GALNT18: variants seen among roughly 807,000 people sequenced by gnomAD.
The protein encoded by GALNT18 is polypeptide N-acetylgalactosaminyltransferase 18, also known as GalNAc-transferase 18.
GALNT18 carries 44 observed loss-of-function variants against 69.5 expected under a neutral mutation model. The observed-to-expected ratio is 0.63, with a 90% confidence interval of 0.50 to 0.81. The LOEUF is 0.81. GALNT18 is among the 40% of genes least tolerant of loss of function. The pLI, the probability that GALNT18 is intolerant of heterozygous loss-of-function variation, is 0.00. For missense variants in GALNT18, 715 were observed against 810.0 expected (o/e 0.88, Z 1.42); for synonymous variants, 364 against 318.2 (o/e 1.14, Z -1.53).
intron 1 of GALNT18, among the ~76,000 whole-genome samples, chr11:11,567,214 G>T (rs930988511): frequency 6.6e-6 from 1 of 152,192 alleles, no homozygotes; most frequent in Admixed American, 6.5e-5. Context: ...GGTTTCTGCT[G>T]AGCCAGGAGC....
intron 10 of GALNT18, among the ~76,000 whole-genome samples, chr11:11,274,275 C>G (rs1848889307): frequency 1.3e-5 from 2 of 152,104 alleles, no homozygotes; most frequent in African/African-American, 4.8e-5. Flanking sequence ...ACTGAGCTAG[C>G]TGCAGGAGTT....
intron 6 of GALNT18, among the ~76,000 whole-genome samples, chr11:11,344,250 C>T (rs1589922866): frequency 4.6e-5 from 1 of 21,610 alleles, no homozygotes; most frequent in Non-Finnish European, 2.0e-4. Flanking sequence ...TACTTCCTCT[C>T]ACATGGGTCT....
At chr11:11,281,760 G>A (rs1446077936) in intron 10 of GALNT18, among the ~76,000 whole-genome samples, 1 of 152,104 alleles carries the variant, frequency 6.6e-6, no homozygotes, top group East Asian at 1.9e-4. Flanking sequence ...CGGTGACCCT[G>A]GGCATTGGCT....
intron 6 of GALNT18, among the ~76,000 whole-genome samples, chr11:11,343,951 T>C (rs78658221): frequency 0.039 from 5,933 of 152,170 alleles, 125 homozygotes; most frequent in East Asian, 0.092. Context: ...CCTCTTCCCA[T>C]CCCTGCAGCC....
intron 2 of GALNT18, among the ~76,000 whole-genome samples, chr11:11,437,489 G>T (rs1855430284): frequency 6.6e-6 from 1 of 152,098 alleles, no homozygotes; most frequent in Non-Finnish European, 1.5e-5. Context: ...AGATCCCCCA[G>T]GACTGTTTGG....
intron 1 of GALNT18, among the ~76,000 whole-genome samples, chr11:11,588,833 C>T (rs1859284819): frequency 6.6e-6 from 1 of 152,236 alleles, no homozygotes; most frequent in Non-Finnish European, 1.5e-5. Context: ...AACTCCCAGA[C>T]ATCTGGAACT....
At chr11:11,581,701 C>T (rs1859091799) in intron 1 of GALNT18, among the ~76,000 whole-genome samples, 1 of 152,150 alleles carries the variant, frequency 6.6e-6, no homozygotes, top group African/African-American at 2.4e-5. Context: ...TGGCTAAGCT[C>T]ACAGACGAAG....
Position 11,341,016 on chromosome 11 carries a change from A to G in GALNT18, c.1093-12T>C. The G allele has an allele frequency of 6.3e-7, 1 of 1,583,050 alleles. No individual in the cohort carries two copies. Among genetic ancestry groups the G allele is most frequent in the Non-Finnish European group, 8.6e-7 (1 of 1,160,812 alleles). ...CCACACTGCCACACCTGCAGAAGACATGGAGCCACTTGTCAGAGCCTGCCT... is the reference window on the plus strand; with the variant it reads ...CCACACTGCCACACCTGCAGAAGACGTGGAGCCACTTGTCAGAGCCTGCCT... On this transcript the variant is annotated splice_polypyrimidine_tract_variant and intron_variant, in intron 6 of 10. Coordinates refer to ENST00000227756, the MANE Select transcript of GALNT18 (RefSeq NM_198516.3). The surrounding 1 kb of genome is among the most constrained non-coding windows in gnomAD (Gnocchi z 6.3).
At chr11:11,293,762 A>AAACT (rs1200863413) in intron 9 of GALNT18, among the ~76,000 whole-genome samples, 2 of 151,998 alleles carry the variant, frequency 1.3e-5, no homozygotes, top group African/African-American at 2.4e-5. Context: ...GGCTGGTTTC[A>AAACT]AACTCCTGAC....
At position 11,430,561 on chromosome 11, in the gene GALNT18, T is replaced by C. The variant is rs1855242187; in HGVS notation, c.595+2060A>G. Reference sequence around the variant, plus strand: ...GGTTGTGAAAGGTCTAGGGTGCTGCTCGTCTGCATCCCTGATGACGGACTA... The same window carrying C: ...GGTTGTGAAAGGTCTAGGGTGCTGCCCGTCTGCATCCCTGATGACGGACTA... On this transcript the variant is annotated intron_variant, in intron 3 of 10. Coordinates refer to ENST00000227756, the MANE Select transcript of GALNT18 (RefSeq NM_198516.3). This position sits in a 1 kb window ranked among gnomAD's most constrained non-coding sequence, Gnocchi z 4.9. Among the ~76,000 whole-genome samples the C allele has an allele frequency of 6.6e-6, 1 of 152,364 alleles. No individual in the cohort carries two copies. The highest frequency in any genetic ancestry group is 2.4e-5 in the African/African-American group (1 of 41,590).
Position 11,341,947 on chromosome 11 carries a change from T to A in GALNT18, c.1093-943A>T, listed in dbSNP as rs1023081369. 2.0e-5 allele frequency among the ~76,000 whole-genome samples: 3 copies of A among 150,432 alleles called. No individual in the cohort carries two copies. The highest frequency in any genetic ancestry group is 4.4e-5 in the Non-Finnish European group (3 of 67,754). ...GACAAGCCTGGGCAACATAGTGAGA[T>A]CCTGTCTCTAAAACATTAAAATTTT... On this transcript the variant is annotated intron_variant, in intron 6 of 10. Coordinates refer to ENST00000227756, the MANE Select transcript of GALNT18 (RefSeq NM_198516.3). The surrounding 1 kb of genome is among the most constrained non-coding windows in gnomAD (Gnocchi z 6.3).
intron 10 of GALNT18, among the ~76,000 whole-genome samples, chr11:11,276,065 G>A (rs1189241758): frequency 6.6e-6 from 1 of 152,188 alleles, no homozygotes; most frequent in Non-Finnish European, 1.5e-5. Flanking sequence ...CTAACTCTGT[G>A]AAGAAAGTCA....
At chr11:11,345,104 G>A (rs1485254648) in intron 6 of GALNT18, among the ~76,000 whole-genome samples, 1 of 152,164 alleles carries the variant, frequency 6.6e-6, no homozygotes, top group Admixed American at 6.5e-5. Context: ...GCCCAGCAGA[G>A]GGGTACACAA....
chr11:11,332,668 A>T lies in GALNT18; in HGVS notation c.1416+26T>A. On this transcript the variant is annotated intron_variant, in intron 8 of 10. Coordinates refer to ENST00000227756, the MANE Select transcript of GALNT18 (RefSeq NM_198516.3). This position sits in a 1 kb window ranked among gnomAD's most constrained non-coding sequence, Gnocchi z 4.3. ...GTTTCTTTCTGTCTGTGTCTGAATG[A>T]AACCCGGAGGAGGCCAGCTCCTTAC... 2 of 1,612,282 alleles carry T rather than the reference A, an allele frequency of 1.2e-6. No individual in the cohort carries two copies. The highest frequency in any genetic ancestry group is 1.7e-6 in the Non-Finnish European group (2 of 1,178,504).
At chr11:11,429,431 C>T (rs982459777) in intron 3 of GALNT18, among the ~76,000 whole-genome samples, 10 of 152,206 alleles carry the variant, frequency 6.6e-5, no homozygotes, top group Admixed American at 2.6e-4. Flanking sequence ...TTACTCCACG[C>T]GTGAGACTCC....
chr11:11,282,488 A>G (rs976169848), intron 10 of GALNT18, among the ~76,000 whole-genome samples: 1 of 152,200 alleles, frequency 6.6e-6, no homozygotes, highest in Admixed American at 6.5e-5. Flanking sequence ...AGAGGCTGGG[A>G]GACTTGTCCA....
rs1564939266 is a variant in GALNT18, at chr11:11,419,618, A to AAAAAAG, written c.595+13002_595+13003insCTTTTT. Reference sequence around the variant, plus strand: ...TCTCAAAAAAAAAAAAAAAAAAAAAAAAAAGAAAGAAGGAAAAGAAACCAT... The same window carrying AAAAAAG: ...TCTCAAAAAAAAAAAAAAAAAAAAAAAAAAAGAAAAGAAAGAAGGAAAAGAAACCAT... On this transcript the variant is annotated intron_variant, in intron 3 of 10. Coordinates refer to ENST00000227756, the MANE Select transcript of GALNT18 (RefSeq NM_198516.3). Among the ~76,000 whole-genome samples the AAAAAAG allele has an allele frequency of 6.6e-5, 10 of 150,626 alleles. 1 individual carries two copies. Among genetic ancestry groups the AAAAAAG allele is most frequent in the African/African-American group, 2.4e-4 (10 of 41,036 alleles).
At chr11:11,282,156 A>G (rs1189959585) in intron 10 of GALNT18, among the ~76,000 whole-genome samples, 1 of 152,138 alleles carries the variant, frequency 6.6e-6, no homozygotes, top group Non-Finnish European at 1.5e-5. Context: ...TCTTGACCTC[A>G]GCCTCTTTCA....
At chr11:11,363,827 T>C (rs553664690) in intron 6 of GALNT18, among the ~76,000 whole-genome samples, 2 of 152,020 alleles carry the variant, frequency 1.3e-5, no homozygotes, top group Non-Finnish European at 2.9e-5. Context: ...AAGTAGCTAA[T>C]TACAAGTCTG....
Sources: allele counts gnomAD v4.1 joint callset (sites outside exome capture counted in the v4.1 genomes callset), GRCh38; gene constraint gnomAD v4.1.1; non-coding constraint Gnocchi (gnomAD v3.1); transcripts MANE v1.5; gene names NCBI Gene and HGNC (gene_info 2026-07-23, HGNC 2026-07-21).